Variants in CD24 observed in about 807,000 individuals in gnomAD.
The protein encoded by CD24 is CD24 molecule.
A neutral mutation model predicts 3.6 loss-of-function variants in CD24; 2 were observed. The ratio of observed to expected loss-of-function variants is 0.56; its 90% CI spans 0.23 to 1.77. The LOEUF (loss-of-function observed/expected upper bound fraction) is 1.77, where lower values mean the gene tolerates loss of function less well. Among genes scored for constraint, CD24 ranks in the 40% most tolerant of loss-of-function variants. The pLI is 0.18. For missense variants in CD24, 62 were observed against 93.6 expected, an observed-to-expected ratio of 0.66 and a Z score of 1.39; for synonymous variants, 33 against 44.9, an observed-to-expected ratio of 0.74 and a Z score of 1.06.
In CD24 at chr6:106,973,453, T is replaced by C. The variant is rs1046505030; in HGVS notation, c.69+1125A>G. The stretch of plus-strand genomic sequence containing the variant: ...GCGCAGCGGACTGGGAGGAAGACAA[T>C]AGGGTACGGTTACCCCGCCAGCGGT... On this transcript the variant is annotated intron_variant, in intron 1 of 1. Transcript: ENST00000606017. 1,441 of 387,024 alleles carry C rather than the reference T, an allele frequency of 3.7e-3. 18 individuals carry two copies. The highest frequency in any genetic ancestry group is 0.027 in the African/African-American group (1,311 of 48,360). 24.0% of individuals were successfully genotyped at this position (387,024 alleles called of 1,614,324 possible).
At chr6:106,974,864 TCCCCAGCG>T (rs1279366976), upstream of CD24, 1 of 221,862 alleles carries the variant, frequency 4.5e-6, no homozygotes, top group Admixed American at 6.0e-5. Flanking sequence ...CGCTCCGGGT[TCCCCAGCG>T]CCCCCGCCGC....
At chr6:106,973,689 G>T (rs1290539445) in intron 1 of CD24, 1 of 398,508 alleles carries the variant, frequency 2.5e-6, no homozygotes, top group Non-Finnish European at 4.4e-6. Flanking sequence ...CCCCGCCCCC[G>T]CTAGGGTCTC....
chr6:106,975,007 C>T (rs1773073920), upstream of CD24: 1 of 151,208 alleles, frequency 6.6e-6, no homozygotes. Flanking sequence ...CGGCTGCGGG[C>T]TGCGGGCAGG....
upstream of CD24, among the ~76,000 whole-genome samples, chr6:106,976,443 C>T (rs1773109103): frequency 6.6e-6 from 1 of 152,184 alleles, no homozygotes. Context: ...CAAGGTCAGT[C>T]ACTTTAGCTC....
rs1772979420 is a variant in CD24, at chr6:106,971,790, G to A, written c.114C>T (p.Ser38=). 6.4e-7 allele frequency: 1 copy of A among 1,551,252 alleles called. No homozygotes were observed. Among genetic ancestry groups the A allele is most frequent in the Non-Finnish European group, 8.7e-7 (1 of 1,146,736 alleles). ...CCAACCCAGAGTTGGAAGTACTCTG[G>A]GAGGAGTTACTTGAAGTTCCAGTTG... The part of the protein sequence containing the change: ...ETTTGTSSNS[S]QSTSNSGLAP... Residue 38 remains serine, a synonymous_variant, in exon 2 of 2, where the codon TCC becomes TCT. Transcript: ENST00000606017.
chr6:106,976,376 C>A (rs1289393359), upstream of CD24, among the ~76,000 whole-genome samples: 3 of 152,184 alleles, frequency 2.0e-5, no homozygotes, highest in African/African-American at 7.2e-5. Flanking sequence ...AGCAAAGTGA[C>A]AATGAAATCT....
At chr6:106,973,468 C>T (rs1773022527) in intron 1 of CD24, 2 of 394,460 alleles carry the variant, frequency 5.1e-6, no homozygotes, top group Non-Finnish European at 8.9e-6. Context: ...TACGGTTACC[C>T]CGCCAGCGGT....
At chr6:106,974,132 T>A (rs1271354899) in intron 1 of CD24, 2 of 391,890 alleles carry the variant, frequency 5.1e-6, no homozygotes, top group Admixed American at 8.9e-5. Flanking sequence ...GACCGTCGCC[T>A]CTCTTTGTGT....
intron 1 of CD24, among the ~76,000 whole-genome samples, chr6:106,972,536 T>C (rs1772998549): frequency 6.6e-6 from 1 of 152,094 alleles, no homozygotes; most frequent in African/African-American, 2.4e-5. Context: ...GAGGTTATGG[T>C]GTTAAGTTTC....
chr6:106,973,537 T>C (rs1336278844), intron 1 of CD24: 4 of 397,476 alleles, frequency 1.0e-5, no homozygotes, highest in Non-Finnish European at 1.8e-5. Flanking sequence ...TTTCGATGTC[T>C]GGGGACGGAG....
In CD24 at chr6:106,974,435, CT is replaced by C. The variant is rs2114901474; in HGVS notation, c.69+142del. On this transcript the variant is annotated intron_variant, in intron 1 of 1. Coordinates refer to ENST00000606017, the MANE Select transcript of CD24 (RefSeq NM_001359084.1). Reference sequence around the variant, plus strand: ...AATGGGGTCCACATGGCCCTCTCCCCTGGTCAGCTAAGCAAGATTCTCTCCC... The same window carrying C: ...AATGGGGTCCACATGGCCCTCTCCCCGGTCAGCTAAGCAAGATTCTCTCCC... The C allele has an allele frequency of 5.5e-6, 3 of 541,206 alleles. No homozygotes were observed. In the East Asian group the frequency reaches 1.1e-4, roughly 19 times the overall value. The allele number at this position is 541,206 out of a possible 1,614,324, so 33.5% of individuals were successfully genotyped here. A position where few individuals can be genotyped will look rare whatever the true frequency, so the allele number is the denominator to read the frequency against.
chr6:106,973,538 G>T (rs987131373), intron 1 of CD24: 1 of 397,506 alleles, frequency 2.5e-6, no homozygotes, highest in African/African-American at 2.1e-5. Flanking sequence ...TTCGATGTCT[G>T]GGGACGGAGG....
intron 1 of CD24, 53 bp from the exon 2 acceptor site, chr6:106,971,887 A>C: frequency 4.2e-6 from 5 of 1,201,688 alleles, no homozygotes; most frequent in South Asian, 1.4e-5. Context: ...AGCTACCTCC[A>C]TGTACTCTCA....
chr6:106,975,857 G>C (rs1773100901), upstream of CD24, among the ~76,000 whole-genome samples: 1 of 152,330 alleles, frequency 6.6e-6, no homozygotes, highest in Middle Eastern at 3.4e-3. Context: ...CCCGTCATTC[G>C]TTTAAAGAGC....
intron 1 of CD24, chr6:106,973,724 C>A (rs1387790487): frequency 1.5e-5 from 6 of 398,560 alleles, no homozygotes; most frequent in African/African-American, 1.2e-4. Context: ...CGGTCTCTCT[C>A]GCCGGCGCGG....
intron 1 of CD24, among the ~76,000 whole-genome samples, chr6:106,974,307 G>A (rs1331999212): frequency 6.6e-6 from 1 of 152,254 alleles, no homozygotes; most frequent in Non-Finnish European, 1.5e-5. Flanking sequence ...GGAAGGGACA[G>A]CGTGGAACCT....
At chr6:106,974,414 G>A (rs1004117417) in intron 1 of CD24, among the ~76,000 whole-genome samples, 164 bp downstream of exon 1, 3 of 152,190 alleles carry the variant, frequency 2.0e-5, no homozygotes, top group Non-Finnish European at 2.9e-5. Context: ...TGGAAAAATG[G>A]GGTCCACATG....
upstream of CD24, chr6:106,975,012 G>A (rs1387218659): frequency 0.048 from 7,223 of 151,446 alleles, 244 homozygotes; most frequent in Middle Eastern, 0.1. Flanking sequence ...GCGGGCTGCG[G>A]GCAGGCTGGC....
At position 106,971,215 on chromosome 6, in the gene CD24, A is replaced by C. The variant is rs1164519151; in HGVS notation, c.*446T>G. ...AACACCTGGAAGTTCCTTCTCATGT[A>C]CATATAAATAGAATCATGGAAGCTT... is the stretch of plus-strand genomic sequence containing the variant. On this transcript the variant is annotated 3_prime_UTR_variant, in exon 2 of 2. Transcript: ENST00000606017. The C allele has an allele frequency of 2.3e-5, 4 of 171,234 alleles. No homozygotes were observed. The highest frequency in any genetic ancestry group is 9.6e-5 in the African/African-American group (4 of 41,552). The allele number at this position is 171,234 out of a possible 1,614,324, so 10.6% of individuals were successfully genotyped here. A position where few individuals can be genotyped will look rare whatever the true frequency, so the allele number is the denominator to read the frequency against.
Sources: gnomAD v4.1 joint callset for allele counts (sites outside exome capture counted in the v4.1 genomes callset) on GRCh38, gnomAD v4.1.1 for gene constraint, MANE v1.5 for transcripts, NCBI Gene and HGNC (gene_info 2026-07-23, HGNC 2026-07-21) for gene names.